SYBU: variants seen among roughly 807,000 people sequenced by gnomAD.
SYBU encodes GOLSYN A protein.
Under a neutral mutation model 35.9 loss-of-function variants are expected in SYBU, and 21 were observed. The ratio of observed to expected loss-of-function variants is 0.58; its 90% confidence interval spans 0.41 to 0.84. SYBU has a LOEUF of 0.84. Among genes scored for constraint, SYBU ranks in the 40% least tolerant of loss-of-function variants. The pLI is 0.00. For synonymous variants in SYBU, 319 were observed against 324.3 expected, an observed-to-expected ratio of 0.98 and a Z score of 0.18; for missense variants, 768 against 848.2, an observed-to-expected ratio of 0.91 and a Z score of 1.17.
chr8:109,642,726 A>G lies in SYBU; in HGVS notation c.229+2T>C. On this transcript the variant is annotated splice_donor_variant, in intron 2 of 6. Transcript: ENST00000276646. LOFTEE classifies it high-confidence loss of function. ...TCTGGTGGCCTCCCGAGGGTACTGTACCTGAGCAGAAGCTGTTGCTGCTAA... is the reference window on the plus strand; with the variant it reads ...TCTGGTGGCCTCCCGAGGGTACTGTGCCTGAGCAGAAGCTGTTGCTGCTAA... The G allele has an allele frequency of 6.3e-7, 1 of 1,596,750 alleles. No homozygotes were observed. The highest frequency in any genetic ancestry group is 1.1e-5 in the South Asian group (1 of 88,400).
chr8:109,576,042 TAAAAA>T (rs71305959), intron 6 of SYBU, 29 bp from the exon 7 acceptor site: 46,851 of 839,516 alleles, frequency 0.056, 915 homozygotes, highest in African/African-American at 0.24. Context: ...CATGGTTAAT[TAAAAA>T]AAAAAAAAAA....
At chr8:109,651,469 TTTTTTTG>T in intron 1 of SYBU, among the ~76,000 whole-genome samples, 1 of 144,444 alleles carries the variant, frequency 6.9e-6, no homozygotes, top group African/African-American at 2.6e-5. Context: ...TTTTTTTTTT[TTTTTTTG>T]CTCTGACAGT....
chr8:109,600,576 T>C (rs1040811394), intron 3 of SYBU, among the ~76,000 whole-genome samples: 1 of 152,184 alleles, frequency 6.6e-6, no homozygotes, highest in African/African-American at 2.4e-5. Context: ...AATGGTATCA[T>C]TAACTTTGAG....
chr8:109,687,904 G>A (rs2130791609), intron 1 of SYBU, among the ~76,000 whole-genome samples: 1 of 152,272 alleles, frequency 6.6e-6, no homozygotes, highest in South Asian at 2.1e-4. Context: ...AACAATAGAA[G>A]TACTCATTCT....
chr8:109,632,491 T>TA (rs1813743314), intron 2 of SYBU, among the ~76,000 whole-genome samples: 2 of 152,134 alleles, frequency 1.3e-5, no homozygotes, highest in Non-Finnish European at 2.9e-5. Context: ...CTGAACATGG[T>TA]AATGGTCAAG....
At chr8:109,684,576 G>T (rs540646770), upstream of SYBU, among the ~76,000 whole-genome samples, 643 of 152,290 alleles carry the variant, frequency 4.2e-3, 4 homozygotes, top group Non-Finnish European at 5.9e-3. Flanking sequence ...TATTGGTCTT[G>T]TTGGAAACTG....
Position 109,575,095 on chromosome 8 carries a change from C to T in SYBU, c.1803G>A (p.Gln601=), listed in dbSNP as rs1822064814. The change falls in exon 7 of 7, where the codon CAG becomes CAA. Residue 601 remains glutamine (Q), a synonymous_variant. Transcript: ENST00000276646. ...IPLARGGVVR[Q]YWSSSFLVDL... Reference sequence around the variant, plus strand: ...CCACCAGGAAGCTGCTGCTCCAGTACTGCCTCACGACGCCCCCGCGAGCCA... The same window carrying T: ...CCACCAGGAAGCTGCTGCTCCAGTATTGCCTCACGACGCCCCCGCGAGCCA... 1.2e-6 allele frequency: 2 copies of T among 1,611,866 alleles called. No individual in the cohort carries two copies. Among genetic ancestry groups the T allele is most frequent in the Admixed American group, 1.7e-5 (1 of 59,908 alleles).
At chr8:109,682,014 T>C (rs749889135), upstream of SYBU, among the ~76,000 whole-genome samples, 4 of 152,188 alleles carry the variant, frequency 2.6e-5, no homozygotes, top group Non-Finnish European at 5.9e-5. Flanking sequence ...GATTGTAAGT[T>C]TCCTGAGGTT....
chr8:109,642,692 C>A, intron 2 of SYBU, 36 bp downstream of exon 2: 3 of 1,496,392 alleles, frequency 2.0e-6, no homozygotes, highest in Non-Finnish European at 1.8e-6. Flanking sequence ...AGTGCACACG[C>A]TTCACGCCTC....
Position 109,579,818 on chromosome 8 carries a change from C to G in SYBU, c.715G>C (p.Asp239His). The G allele has an allele frequency of 6.2e-7, 1 of 1,613,848 alleles. No homozygotes were observed. The highest frequency in any genetic ancestry group is 8.5e-7 in the Non-Finnish European group (1 of 1,179,948). The change falls in exon 5 of 7, where the codon GAC becomes CAC. Residue 239 changes from aspartate (D) to histidine (H), a missense_variant. Physicochemically the swap from Asp to His is moderately conservative, Grantham distance 81. Transcript: ENST00000276646. ...ACTCACCTCATGATGGGGCTACAGT[C>G]GCTTCCTTTGTAGGAGCCTGAGTTG... ...SSNSGSYKGS[D>H]CSPIMRRSGR...
intron 3 of SYBU, among the ~76,000 whole-genome samples, chr8:109,599,584 G>A (rs1465372324): frequency 6.6e-6 from 1 of 152,162 alleles, no homozygotes; most frequent in African/African-American, 2.4e-5. Flanking sequence ...TAGTAACTGT[G>A]TCATCTGTCT....
chr8:109,628,248 A>T (rs2130483875), intron 2 of SYBU, among the ~76,000 whole-genome samples: 1 of 152,324 alleles, frequency 6.6e-6, no homozygotes, highest in South Asian at 2.1e-4. Flanking sequence ...GTGACAGCTC[A>T]TGTAATCCCA....
At chr8:109,632,719 A>G (rs1442170419) in intron 2 of SYBU, among the ~76,000 whole-genome samples, 1 of 152,228 alleles carries the variant, frequency 6.6e-6, no homozygotes, top group Non-Finnish European at 1.5e-5. Flanking sequence ...CATTCATAAT[A>G]CAAAATTCTA....
chr8:109,644,505 CCCA>C, intron 1 of SYBU, 128 bp downstream of exon 1: 2 of 1,089,784 alleles, frequency 1.8e-6, no homozygotes, highest in Non-Finnish European at 2.6e-6. Context: ...TTCTCCAGAC[CCCA>C]CCACCACCTC....
At chr8:109,634,752 T>C (rs760163821) in intron 2 of SYBU, among the ~76,000 whole-genome samples, 106 of 152,306 alleles carry the variant, frequency 7.0e-4, no homozygotes, top group Middle Eastern at 6.8e-3. Flanking sequence ...AGCATAAAGA[T>C]GGGGGCACCT....
At chr8:109,617,430 CT>C (rs1811932452) in intron 3 of SYBU, among the ~76,000 whole-genome samples, 2 of 152,096 alleles carry the variant, frequency 1.3e-5, no homozygotes, top group Non-Finnish European at 2.9e-5. Flanking sequence ...TTTGAATAGG[CT>C]AAAAACTATT....
At chr8:109,685,140 T>C (rs112937785), upstream of SYBU, among the ~76,000 whole-genome samples, 1 of 152,190 alleles carries the variant, frequency 6.6e-6, no homozygotes. Flanking sequence ...CTCTTAACTT[T>C]CGTCATTTGT....
intron 1 of SYBU, among the ~76,000 whole-genome samples, chr8:109,667,771 G>C (rs78018754): frequency 0.022 from 3,397 of 152,172 alleles, 135 homozygotes; most frequent in African/African-American, 0.076. Context: ...GGGATTACAG[G>C]CTTTTTTGTT....
At chr8:109,603,659 T>C (rs150319601) in intron 3 of SYBU, among the ~76,000 whole-genome samples, 20 of 152,354 alleles carry the variant, frequency 1.3e-4, no homozygotes, top group African/African-American at 4.8e-4. Flanking sequence ...AAGGCCACTC[T>C]TTTTAGGACC....
Sources: allele counts gnomAD v4.1 joint callset (sites outside exome capture counted in the v4.1 genomes callset), GRCh38; gene constraint gnomAD v4.1.1; transcripts MANE v1.5; gene names NCBI Gene and HGNC (gene_info 2026-07-23, HGNC 2026-07-21).